Variants in MOV10L1 observed in about 807,000 individuals in gnomAD.
MOV10L1 encodes the protein RNA helicase Mov10l1.
In MOV10L1, 110 loss-of-function variants were observed where a neutral mutation model predicts 143.8. The ratio of observed to expected loss-of-function variants is 0.76; its 90% CI spans 0.66 to 0.90. MOV10L1 has a LOEUF of 0.90. Among genes scored for constraint, MOV10L1 ranks in the 40% least tolerant of loss-of-function variants. MOV10L1 has a pLI of 0.00. For missense variants in MOV10L1, 1,406 were observed against 1,526.8 expected (o/e 0.92, Z 1.32); for synonymous variants, 593 against 581.1 (o/e 1.02, Z -0.29).
chr22:50,141,697 GC>G (rs1305901680), intron 15 of MOV10L1, among the ~76,000 whole-genome samples: 1 of 152,002 alleles, frequency 6.6e-6, no homozygotes, highest in Non-Finnish European at 1.5e-5. Context: ...CACTCTCCAG[GC>G]CCGTGAGACC....
In MOV10L1 at chr22:50,136,403, A is replaced by G. The variant is rs1238145834; in HGVS notation, c.2070+1773A>G. 3.9e-5 allele frequency among the ~76,000 whole-genome samples: 6 copies of G among 152,246 alleles called. No homozygotes were observed. In the East Asian group the frequency reaches 1.2e-3, roughly 29 times the overall value. On this transcript the variant is annotated intron_variant, in intron 15 of 26. Coordinates refer to ENST00000262794, the MANE Select transcript of MOV10L1 (RefSeq NM_018995.3). ...TTGAAAATAAACTCAAGAATATTTC[A>G]TATGTCAACCAAGATAGAATTTCAG...
Position 50,123,421 on chromosome 22 carries a change from A to G in MOV10L1, c.1570-1971A>G, listed in dbSNP as rs138299363. Among the ~76,000 whole-genome samples the G allele has an allele frequency of 4.4e-3, 674 of 152,122 alleles. 7 individuals are homozygous for G. Among genetic ancestry groups the G allele is most frequent in the African/African-American group, 0.015 (637 of 41,498 alleles). On this transcript the variant is annotated intron_variant, in intron 10 of 26. Transcript: ENST00000262794. Reference sequence around the variant, plus strand: ...ACTGTGTTGCCCAGGCTGGAGTGCAATGGCTCAGTCACTGCTCACTGCAGC... The same window carrying G: ...ACTGTGTTGCCCAGGCTGGAGTGCAGTGGCTCAGTCACTGCTCACTGCAGC...
chr22:50,151,691 A>C (rs937734857), intron 21 of MOV10L1, among the ~76,000 whole-genome samples: 2 of 152,216 alleles, frequency 1.3e-5, no homozygotes, highest in East Asian at 3.9e-4. Context: ...GGTTCGCCTC[A>C]TCCTCCAGTG....
intron 3 of MOV10L1, among the ~76,000 whole-genome samples, chr22:50,106,354 TG>T (rs2061866931): frequency 7.9e-6 from 1 of 126,254 alleles, no homozygotes; most frequent in African/African-American, 2.8e-5. Flanking sequence ...TTTTTAGAGA[TG>T]GGATCTTACT....
intron 8 of MOV10L1, among the ~76,000 whole-genome samples, chr22:50,115,503 A>T (rs574461722): frequency 6.6e-6 from 1 of 152,186 alleles, no homozygotes; most frequent in Non-Finnish European, 1.5e-5. Context: ...CAGTGAGCCA[A>T]GATCGCACGA....
chr22:50,114,672 C>T (rs774331000), intron 7 of MOV10L1, 50 bp downstream of exon 7: 8 of 1,598,806 alleles, frequency 5.0e-6, no homozygotes, highest in Admixed American at 3.4e-5. Flanking sequence ...GGCTGGGGGC[C>T]GTGGGGTTGT....
intron 19 of MOV10L1, among the ~76,000 whole-genome samples, chr22:50,149,125 A>G (rs1020432924): frequency 3.9e-5 from 6 of 152,232 alleles, no homozygotes; most frequent in Non-Finnish European, 8.8e-5. Flanking sequence ...GGCCGCCTGC[A>G]TGGCCAGGCC....
intron 5 of MOV10L1, among the ~76,000 whole-genome samples, chr22:50,112,391 C>T (rs192735220): frequency 6.6e-6 from 1 of 152,318 alleles, no homozygotes; most frequent in Non-Finnish European, 1.5e-5. Flanking sequence ...GTTCTCTGAC[C>T]TCATCCCCAG....
chr22:50,126,420 A>G, intron 12 of MOV10L1, 148 bp downstream of exon 12: 1 of 541,162 alleles, frequency 1.8e-6, no homozygotes, highest in South Asian at 2.9e-5. Flanking sequence ...ATCTTTAAAT[A>G]ATTTTTGATG....
At position 50,156,281 on chromosome 22, in the gene MOV10L1, A is replaced by G. The variant is rs542572736; in HGVS notation, c.3067-1776A>G. Among the ~76,000 whole-genome samples the G allele has an allele frequency of 4.0e-5, 6 of 151,742 alleles. No homozygotes were observed. In the East Asian group the frequency reaches 1.2e-3, roughly 30 times the overall value. ...CAGGCATGCCCCACCACGCCCAGCT[A>G]ATTTTTGTATTTTTAGTAGAGACGG... On this transcript the variant is annotated intron_variant, in intron 22 of 26. Transcript: ENST00000262794.
In MOV10L1 at chr22:50,144,249, C is replaced by A. The variant is rs1417086451; in HGVS notation, c.2505+6C>A. The A allele has an allele frequency of 6.3e-7, 1 of 1,592,374 alleles. No individual in the cohort carries two copies. Among genetic ancestry groups the A allele is most frequent in the African/African-American group, 1.3e-5 (1 of 74,746 alleles). On this transcript the variant is annotated splice_donor_region_variant and intron_variant, in intron 18 of 26. Coordinates refer to ENST00000262794, the MANE Select transcript of MOV10L1 (RefSeq NM_018995.3). ...CCACCTGCAGGTTCGAGGAGGTGAG[C>A]CCTTGGTGCAAGCAGTGGGGGGCAC...
chr22:50,145,765 T>C lies in MOV10L1; in HGVS notation c.2582T>C (p.Ile861Thr). Reference protein sequence around the residue: ...IWKASRFRIIITTCSSSGLFY... With the variant: ...IWKASRFRIITTTCSSSGLFY... ...AAAGCCTCACGCTTCCGGATAATCA[T>C]CACCACATGCAGCAGCTCAGGGCTG... Residue 861 changes from isoleucine (I) to threonine (T), a missense_variant, in exon 19 of 27, where the codon ATC (isoleucine) becomes ACC (threonine). Ile to Thr is a moderately conservative substitution (Grantham distance 89, BLOSUM62 -1). Coordinates refer to ENST00000262794, the MANE Select transcript of MOV10L1 (RefSeq NM_018995.3). 6.2e-7 allele frequency: 1 copy of C among 1,614,164 alleles called. No individual in the cohort carries two copies.
chr22:50,116,566 T>C (rs1443979555), intron 8 of MOV10L1, among the ~76,000 whole-genome samples: 2 of 152,022 alleles, frequency 1.3e-5, no homozygotes, highest in Non-Finnish European at 2.9e-5. Context: ...TTTTTGGTCA[T>C]GTCATAAAAT....
intron 2 of MOV10L1, among the ~76,000 whole-genome samples, chr22:50,097,910 T>G (rs1427225923): frequency 6.6e-6 from 1 of 152,142 alleles, no homozygotes; most frequent in East Asian, 1.9e-4. Flanking sequence ...ATTGACTCAT[T>G]GCAACCTCCG....
At chr22:50,132,985 G>A (rs1407755165) in intron 13 of MOV10L1, among the ~76,000 whole-genome samples, 1 of 151,862 alleles carries the variant, frequency 6.6e-6, no homozygotes, top group Non-Finnish European at 1.5e-5. Context: ...GCAGTGAGCC[G>A]AGATCACGCT....
In MOV10L1 at chr22:50,158,413, C is replaced by T. The variant is rs1392629213; in HGVS notation, c.3216+207C>T. ...TTCCGGGCAGCTGCCAGCTTTTCTA[C>T]GGCCAGAGCCTCGAACAGTTTTTAC... On this transcript the variant is annotated intron_variant, in intron 23 of 26. Transcript: ENST00000262794. This position sits in a 1 kb window ranked among gnomAD's most constrained non-coding sequence, Gnocchi z 5.0. The T allele has an allele frequency of 4.1e-5, 23 of 561,916 alleles. No homozygotes were observed. The highest frequency in any genetic ancestry group is 2.7e-4 in the South Asian group (11 of 41,184). The allele number at this position is 561,916 out of a possible 1,614,324, so 34.8% of individuals were successfully genotyped here.
chr22:50,115,212 G>A lies in MOV10L1; in HGVS notation c.1225G>A (p.Gly409Arg), dbSNP rs549224375. The change falls in exon 8 of 27, where the codon GGA (glycine) becomes AGA (arginine). Residue 409 changes from glycine (G) to arginine (R), a missense_variant. Transcript: ENST00000262794. ...PEPGGLVPPG[G>R]KTFIVVICDG... ...GCCTGGGGGGCTTGTCCCTCCAGGG[G>A]GAAAAACCTTCATTGTGGTCATCTG... 2.2e-5 allele frequency: 34 copies of A among 1,542,504 alleles called. No homozygotes were observed. The highest frequency in any genetic ancestry group is 2.9e-5 in the African/African-American group (2 of 69,506).
At chr22:50,149,323 C>T (rs1272613989) in intron 19 of MOV10L1, 1 of 392,792 alleles carries the variant, frequency 2.5e-6, no homozygotes, top group Non-Finnish European at 4.7e-6. Flanking sequence ...GTGAGCTGCC[C>T]CCAGGAGGCG....
At chr22:50,127,520 G>C (rs2062545527) in intron 12 of MOV10L1, among the ~76,000 whole-genome samples, 1 of 152,120 alleles carries the variant, frequency 6.6e-6, no homozygotes, top group Admixed American at 6.6e-5. Flanking sequence ...CTTCCTCCCG[G>C]AGCTGGAAGC....
Sources: allele counts gnomAD v4.1 joint callset (sites outside exome capture counted in the v4.1 genomes callset), GRCh38; gene constraint gnomAD v4.1.1; non-coding constraint Gnocchi (gnomAD v3.1); transcripts MANE v1.5; gene names NCBI Gene and HGNC (gene_info 2026-07-23, HGNC 2026-07-21).